CCDC85A: variants seen among roughly 807,000 people sequenced by gnomAD.
The protein encoded by CCDC85A is coiled-coil domain-containing protein 85A.
CCDC85A carries 38 observed loss-of-function variants against 50.2 expected under a neutral mutation model. The ratio of observed to expected loss-of-function variants is 0.76; its 90% CI spans 0.58 to 0.99. The LOEUF is 0.99. Among genes scored for constraint, CCDC85A ranks in the 50% least tolerant of loss-of-function variants. CCDC85A has a pLI of 0.00. For synonymous variants in CCDC85A, 366 were observed against 301.4 expected (o/e 1.21, Z -2.22); for missense variants, 820 against 742.0 (o/e 1.11, Z -1.22).
At chr2:56,267,529 C>A (rs1005146495) in intron 2 of CCDC85A, among the ~76,000 whole-genome samples, 1 of 152,160 alleles carries the variant, frequency 6.6e-6, no homozygotes, top group African/African-American at 2.4e-5. Context: ...CCCTTGAGTT[C>A]ATTCTGACTG....
chr2:56,223,446 T>A (rs1408669062), intron 2 of CCDC85A, among the ~76,000 whole-genome samples: 1 of 152,202 alleles, frequency 6.6e-6, no homozygotes, highest in Non-Finnish European at 1.5e-5. Context: ...CTATGGAGCA[T>A]TGTTTGTCAA....
intron 2 of CCDC85A, among the ~76,000 whole-genome samples, chr2:56,221,695 AAG>A (rs1476951711): frequency 6.6e-5 from 10 of 152,148 alleles, no homozygotes; most frequent in African/African-American, 2.4e-4. Flanking sequence ...AGAGATATGA[AAG>A]AAAATAGTAA....
intron 2 of CCDC85A, among the ~76,000 whole-genome samples, chr2:56,225,349 A>G (rs189478597): frequency 6.6e-6 from 1 of 152,042 alleles, no homozygotes; most frequent in Non-Finnish European, 1.5e-5. Flanking sequence ...TCACTTGAAC[A>G]CAGGAGGTGG....
chr2:56,312,730 G>A (rs1672751693), intron 2 of CCDC85A, among the ~76,000 whole-genome samples: 1 of 151,972 alleles, frequency 6.6e-6, no homozygotes, highest in Non-Finnish European at 1.5e-5. Context: ...TTTTAACTTG[G>A]CAAAAAGGAA....
chr2:56,244,001 C>A (rs1403891025), intron 2 of CCDC85A, among the ~76,000 whole-genome samples: 1 of 152,178 alleles, frequency 6.6e-6, no homozygotes, highest in African/African-American at 2.4e-5. Context: ...TAGAGTCTCT[C>A]TCTCTTTCTT....
At chr2:56,303,158 G>A (rs769788939) in intron 2 of CCDC85A, among the ~76,000 whole-genome samples, 3 of 152,198 alleles carry the variant, frequency 2.0e-5, no homozygotes, top group African/African-American at 2.4e-5. Context: ...GCAATTCTTC[G>A]TTGACTTTTT....
intron 2 of CCDC85A, among the ~76,000 whole-genome samples, chr2:56,272,884 A>T (rs557622162): frequency 1.3e-5 from 2 of 152,308 alleles, no homozygotes; most frequent in African/African-American, 4.8e-5. Context: ...GGCCAATATT[A>T]CAAGGTATTT....
intron 2 of CCDC85A, among the ~76,000 whole-genome samples, chr2:56,276,549 C>G (rs115008288): frequency 6.6e-6 from 1 of 152,112 alleles, no homozygotes; most frequent in South Asian, 2.1e-4. Flanking sequence ...GAGGGGAAAC[C>G]CATTTAGCTT....
intron 2 of CCDC85A, among the ~76,000 whole-genome samples, chr2:56,335,560 A>T (rs1674030200): frequency 6.6e-6 from 1 of 151,756 alleles, no homozygotes; most frequent in Admixed American, 6.6e-5. Context: ...TTGGTACATC[A>T]TGTCATGGCT....
At chr2:56,238,487 A>G (rs1300085447) in intron 2 of CCDC85A, among the ~76,000 whole-genome samples, 1 of 151,292 alleles carries the variant, frequency 6.6e-6, no homozygotes, top group Non-Finnish European at 1.5e-5. Context: ...TATGTTTAAT[A>G]TTCTATTAAA....
chr2:56,304,949 A>C lies in CCDC85A; in HGVS notation c.1241-37930A>C, dbSNP rs561226272. The stretch of plus-strand genomic sequence containing the variant: ...AAACAAACAAACAAAAAAACAAAAA[A>C]AAAAAAACCTGGGCGTGGTGGTGTG... On this transcript the variant is annotated intron_variant, in intron 2 of 5. Transcript: ENST00000407595. 2.7e-4 allele frequency among the ~76,000 whole-genome samples: 39 copies of C among 144,238 alleles called. No homozygotes were observed. In the East Asian group the frequency reaches 3.1e-3, roughly 12 times the overall value. 94.6% of individuals were successfully genotyped at this position (144,238 alleles called of 152,430 possible).
chr2:56,186,739 T>G (rs1676063008), intron 1 of CCDC85A, among the ~76,000 whole-genome samples: 1 of 152,152 alleles, frequency 6.6e-6, no homozygotes. Context: ...GATGTCTGTG[T>G]GTGGGTAGGG....
At chr2:56,225,434 A>C (rs1187786519) in intron 2 of CCDC85A, among the ~76,000 whole-genome samples, 1 of 152,130 alleles carries the variant, frequency 6.6e-6, no homozygotes. Context: ...TCAAAAAAAA[A>C]ATTATTAACC....
chr2:56,316,326 T>C, intron 2 of CCDC85A, among the ~76,000 whole-genome samples: 1 of 152,258 alleles, frequency 6.6e-6, no homozygotes, highest in Non-Finnish European at 1.5e-5. Context: ...CTGATTTATA[T>C]CTTTTTTGGA....
At chr2:56,195,415 A>G (rs1167242817) in intron 2 of CCDC85A, among the ~76,000 whole-genome samples, 8 of 152,338 alleles carry the variant, frequency 5.3e-5, no homozygotes, top group African/African-American at 1.9e-4. Context: ...GTGAAGTTCA[A>G]ATCTTATGTC....
At chr2:56,341,547 T>C (rs1479630077) in intron 2 of CCDC85A, among the ~76,000 whole-genome samples, 1 of 152,210 alleles carries the variant, frequency 6.6e-6, no homozygotes, top group Non-Finnish European at 1.5e-5. Flanking sequence ...GAATTGCTAC[T>C]ATGTGATGAT....
intron 2 of CCDC85A, among the ~76,000 whole-genome samples, chr2:56,271,854 T>C (rs1222443421): frequency 1.3e-5 from 2 of 152,294 alleles, no homozygotes; most frequent in Non-Finnish European, 2.9e-5. Context: ...AGTAGCTTTC[T>C]GTCCCTGTCT....
At chr2:56,248,585 A>T (rs1248979261) in intron 2 of CCDC85A, among the ~76,000 whole-genome samples, 1 of 152,234 alleles carries the variant, frequency 6.6e-6, no homozygotes, top group Non-Finnish European at 1.5e-5. Flanking sequence ...TGTTTTAACA[A>T]GTGGCTTCCG....
chr2:56,190,055 T>C (rs1676233189), intron 1 of CCDC85A, among the ~76,000 whole-genome samples: 1 of 152,204 alleles, frequency 6.6e-6, no homozygotes, highest in African/African-American at 2.4e-5. Flanking sequence ...ACCCACAAAT[T>C]CACTCCCATG....
Sources: allele counts gnomAD v4.1 joint callset (sites outside exome capture counted in the v4.1 genomes callset), GRCh38; gene constraint gnomAD v4.1.1; transcripts MANE v1.5; gene names NCBI Gene and HGNC (gene_info 2026-07-23, HGNC 2026-07-21).